Variants in SVIL observed in about 807,000 individuals in gnomAD.
The protein encoded by SVIL is supervillin.
SVIL carries 101 observed loss-of-function variants against 240.4 expected under a neutral mutation model. The observed-to-expected ratio is 0.42, with a 90% CI of 0.36 to 0.50. The LOEUF is 0.50. Ranked by LOEUF, SVIL falls within the 20% of genes least tolerant of loss-of-function variation. The probability of loss-of-function intolerance (pLI) is 0.01; values close to 1 mark genes in which losing one functional copy is unlikely to be tolerated. For synonymous variants in SVIL, 999 were observed against 1,100.0 expected (o/e 0.91, Z 1.82); for missense variants, 2,512 against 2,818.7 (o/e 0.89, Z 2.46).
At chr10:29,515,857 A>G (rs535746242) in intron 16 of SVIL, among the ~76,000 whole-genome samples, 2 of 152,260 alleles carry the variant, frequency 1.3e-5, no homozygotes, top group African/African-American at 2.4e-5. Flanking sequence ...AAACTGACTT[A>G]GAAAAACACA....
upstream of SVIL, among the ~76,000 whole-genome samples, chr10:29,638,026 AC>A (rs569784388): frequency 3.0e-3 from 455 of 152,292 alleles, 1 homozygote; most frequent in African/African-American, 0.01. Flanking sequence ...TATTGGATTG[AC>A]CACATCAGTG....
rs566758703 is a variant in SVIL, at chr10:29,473,037, G to A, written c.5529+801C>T. 2.2e-4 allele frequency among the ~76,000 whole-genome samples: 33 copies of A among 152,250 alleles called. No individual in the cohort carries two copies. The South Asian group carries it at 6.8e-3, about 32-fold the overall frequency. On this transcript the variant is annotated intron_variant, in intron 30 of 37. Coordinates refer to ENST00000355867, the MANE Select transcript of SVIL (RefSeq NM_021738.3). ...AGGCAGTATGGAGTAGGCAGGGGAA[G>A]TTTCCAGACAGTGGAATGGGTCACA...
At position 29,490,949 on chromosome 10, in the gene SVIL, G is replaced by C; in HGVS notation, c.4090C>G (p.Pro1364Ala). 1 of 1,614,002 alleles carries C rather than the reference G, an allele frequency of 6.2e-7. No homozygotes were observed. The highest frequency in any genetic ancestry group is 8.5e-7 in the Non-Finnish European group (1 of 1,179,874). ...PKRRVQASKN[P>A]LKMLAAREDL... Reference sequence around the variant, plus strand: ...TCTCTTGCCGCCAGCATTTTCAGGGGGTTTTTGGAGGCCTGAACCCGGCGC... The same window carrying C: ...TCTCTTGCCGCCAGCATTTTCAGGGCGTTTTTGGAGGCCTGAACCCGGCGC... Residue 1364 changes from proline to alanine, a missense_variant, in exon 22 of 38, where the codon CCC becomes GCC. By Grantham distance (27) the Pro-to-Ala change is conservative (BLOSUM62 -1). This residue lies in a region of SVIL where 272 missense variants were observed against 406.8 expected (regional missense o/e 0.67). Coordinates refer to ENST00000355867, the MANE Select transcript of SVIL (RefSeq NM_021738.3).
chr10:29,710,064 A>T (rs1225274981), intron 1 of SVIL, among the ~76,000 whole-genome samples: 11 of 142,958 alleles, frequency 7.7e-5, no homozygotes, highest in African/African-American at 2.1e-4. Context: ...TTCTTTCTTA[A>T]TTTTTTTTTT....
intron 1 of SVIL, among the ~76,000 whole-genome samples, chr10:29,585,783 C>T (rs1266425958): frequency 6.6e-5 from 10 of 152,332 alleles, no homozygotes; most frequent in South Asian, 2.1e-4. Flanking sequence ...AGCCGGGGTC[C>T]GGAGCAGTCA....
At position 29,732,656 on chromosome 10, in the gene SVIL, C is replaced by T. The variant is rs181666897; in HGVS notation, c.-400+3095G>A. Among the ~76,000 whole-genome samples the T allele has an allele frequency of 3.3e-5, 5 of 152,276 alleles. No individual in the cohort carries two copies. The East Asian group carries it at 9.6e-4, about 29-fold the overall frequency. On this transcript the variant is annotated intron_variant, in intron 1 of 35. Transcript: ENST00000375400. ...AATGTTATGTCTCAAACTCTCCTTC[C>T]TCTTCTATCAACTTGGTGGTTCACC...
At chr10:29,555,343 CAT>C (rs1491509765) in intron 3 of SVIL, among the ~76,000 whole-genome samples, 1,310 of 85,242 alleles carry the variant, frequency 0.015, 18 homozygotes, top group African/African-American at 0.051. Context: ...CACACACACA[CAT>C]GGACACACCC....
At chr10:29,474,322 G>A (rs1200237436) in intron 29 of SVIL, among the ~76,000 whole-genome samples, 1 of 152,186 alleles carries the variant, frequency 6.6e-6, no homozygotes, top group East Asian at 1.9e-4. Context: ...AAAATATTTG[G>A]TGAGGCCAGG....
At chr10:29,647,655 AGAGACAGT>A (rs959053200) in intron 3 of SVIL, among the ~76,000 whole-genome samples, 10 of 140,392 alleles carry the variant, frequency 7.1e-5, no homozygotes, top group African/African-American at 2.4e-4. Flanking sequence ...GTGTGTGTGT[AGAGACAGT>A]GAGAGAGCAG....
chr10:29,464,159 G>A (rs1361214769), intron 34 of SVIL, among the ~76,000 whole-genome samples: 1 of 152,188 alleles, frequency 6.6e-6, no homozygotes, highest in East Asian at 1.9e-4. Context: ...AACTGCCACC[G>A]GGAGTGGTGG....
At chr10:29,693,396 C>T (rs957416685) in intron 1 of SVIL, among the ~76,000 whole-genome samples, 7 of 152,206 alleles carry the variant, frequency 4.6e-5, no homozygotes, top group Non-Finnish European at 8.8e-5. Context: ...CCTCCTACCC[C>T]TTCACAGGCA....
intron 24 of SVIL, 76 bp from the exon 25 acceptor site, chr10:29,486,633 G>A: frequency 6.4e-7 from 1 of 1,566,856 alleles, no homozygotes; most frequent in Non-Finnish European, 8.7e-7. Flanking sequence ...CAAAACCAGA[G>A]AGGAGAAACA....
At chr10:29,553,667 C>T (rs1463957828) in intron 5 of SVIL, among the ~76,000 whole-genome samples, 2 of 152,192 alleles carry the variant, frequency 1.3e-5, no homozygotes, top group Non-Finnish European at 2.9e-5. Context: ...AAGAGCAGCC[C>T]TGCGTGCATT....
intron 1 of SVIL, among the ~76,000 whole-genome samples, chr10:29,590,245 T>C (rs1304884634): frequency 7.0e-6 from 1 of 142,900 alleles, no homozygotes; most frequent in Non-Finnish European, 1.5e-5. Context: ...CTCTCCTTAA[T>C]AATAAAGATA....
intron 20 of SVIL, among the ~76,000 whole-genome samples, chr10:29,494,654 G>A (rs1481673039): frequency 6.6e-6 from 1 of 152,170 alleles, no homozygotes; most frequent in African/African-American, 2.4e-5. Flanking sequence ...TGATTTTGCC[G>A]ACACATAATA....
chr10:29,557,022 T>G (rs1953993887), intron 3 of SVIL, among the ~76,000 whole-genome samples: 1 of 152,034 alleles, frequency 6.6e-6, no homozygotes. Context: ...TAGAAAATAT[T>G]AATAGGGTCC....
At chr10:29,722,309 A>C (rs1964040385) in intron 1 of SVIL, among the ~76,000 whole-genome samples, 1 of 151,982 alleles carries the variant, frequency 6.6e-6, no homozygotes, top group Non-Finnish European at 1.5e-5. Context: ...AAATTTCCCA[A>C]ATTTCTACTG....
chr10:29,516,723 C>A (rs935310966), intron 16 of SVIL, among the ~76,000 whole-genome samples: 1 of 152,244 alleles, frequency 6.6e-6, no homozygotes, highest in Non-Finnish European at 1.5e-5. Flanking sequence ...CACTGGCCCG[C>A]TCACCCAACG....
At chr10:29,605,361 C>T (rs1432146413) in intron 1 of SVIL, among the ~76,000 whole-genome samples, 1 of 152,216 alleles carries the variant, frequency 6.6e-6, no homozygotes. Flanking sequence ...CCATCAGCCA[C>T]GGTTCCCGTC....
Sources: gnomAD v4.1 joint callset for allele counts (sites outside exome capture counted in the v4.1 genomes callset) on GRCh38, gnomAD v4.1.1 for gene constraint, gnomAD v4.1.1 regional missense constraint, MANE v1.5 for transcripts, NCBI Gene and HGNC (gene_info 2026-07-23, HGNC 2026-07-21) for gene names.